The following MCF2L variants were observed in gnomAD, a reference collection of about 807,000 sequenced individuals.
MCF2L encodes MCF.2 cell line derived transforming sequence like, also known as guanine nucleotide exchange factor DBS.
Under a neutral mutation model 153.4 loss-of-function variants are expected in MCF2L, and 97 were observed. The observed-to-expected ratio is 0.63, with a 90% CI of 0.54 to 0.75. The LOEUF is 0.75. MCF2L is among the 30% of genes least tolerant of loss of function. The probability of loss-of-function intolerance (pLI) is 0.00; values close to 1 mark genes in which losing one functional copy is unlikely to be tolerated. For synonymous variants in MCF2L, 659 were observed against 632.2 expected, an observed-to-expected ratio of 1.04 and a Z score of -0.64; for missense variants, 1,347 against 1,495.2, an observed-to-expected ratio of 0.90 and a Z score of 1.64.
chr13:113,084,729 G>A (rs1191037880), intron 18 of MCF2L, 163 bp from the exon 19 acceptor site: 12 of 633,950 alleles, frequency 1.9e-5, no homozygotes, highest in Non-Finnish European at 3.1e-5. Context: ...AGCCAGTGCC[G>A]GCCCTCGGAA....
intron 1 of MCF2L, among the ~76,000 whole-genome samples, chr13:113,000,550 A>G (rs2083320843): frequency 6.6e-6 from 1 of 152,212 alleles, no homozygotes; most frequent in African/African-American, 2.4e-5. Flanking sequence ...CAGCGCAATC[A>G]TGGCTGCAAG....
In MCF2L at chr13:112,993,978, A is replaced by G. The variant is rs2083001652; in HGVS notation, c.80-20785A>G. On this transcript the variant is annotated intron_variant, in intron 1 of 29. Coordinates refer to ENST00000535094, the MANE Select transcript of MCF2L (RefSeq NM_001112732.3). This position sits in a 1 kb window ranked among gnomAD's most constrained non-coding sequence, Gnocchi z 4.6. ...CAGCAAACACACCTTCATTTTAAAG[A>G]CAGCAGAGGAGGGGTGGGGTGGGAG... Among the ~76,000 whole-genome samples the G allele has an allele frequency of 7.4e-6, 1 of 135,884 alleles. No individual in the cohort carries two copies. 89.1% of individuals were successfully genotyped at this position (135,884 alleles called of 152,430 possible).
chr13:113,088,689 G>T (rs931992433), intron 25 of MCF2L, 61 bp downstream of exon 25: 13 of 1,527,118 alleles, frequency 8.5e-6, no homozygotes, highest in Non-Finnish European at 8.9e-6. Context: ...CAGGCCATTT[G>T]CACGCCAGGG....
intron 1 of MCF2L, among the ~76,000 whole-genome samples, chr13:112,980,389 G>C (rs966882437): frequency 8.5e-5 from 13 of 152,382 alleles, no homozygotes; most frequent in Admixed American, 3.3e-4. Context: ...ACCACGGTGG[G>C]CTGTGGAACG....
chr13:112,985,608 C>A, intron 1 of MCF2L: 1 of 353,900 alleles, frequency 2.8e-6, no homozygotes, highest in Non-Finnish European at 5.8e-6. Context: ...AGTCTGTGTC[C>A]CCTGTGGAAT....
At chr13:112,938,993 C>T (rs2081549489) in intron 2 of MCF2L, among the ~76,000 whole-genome samples, 1 of 152,122 alleles carries the variant, frequency 6.6e-6, no homozygotes. Context: ...TGACAGCTGC[C>T]CCAAGTCCCT....
intron 1 of MCF2L, among the ~76,000 whole-genome samples, chr13:113,013,289 G>C (rs767562707): frequency 6.6e-6 from 1 of 152,192 alleles, no homozygotes; most frequent in South Asian, 2.1e-4. Flanking sequence ...ACGTGGTTGC[G>C]TACTGGGAAT....
In MCF2L at chr13:113,035,784, C is replaced by T. The variant is rs1318809423; in HGVS notation, c.279-9487C>T. Among the ~76,000 whole-genome samples the T allele has an allele frequency of 2.0e-5, 3 of 152,128 alleles. No homozygotes were observed. Among genetic ancestry groups the T allele is most frequent in the Non-Finnish European group, 2.9e-5 (2 of 68,016 alleles). On this transcript the variant is annotated intron_variant, in intron 3 of 29. Coordinates refer to ENST00000535094, the MANE Select transcript of MCF2L (RefSeq NM_001112732.3). This position sits in a 1 kb window ranked among gnomAD's most constrained non-coding sequence, Gnocchi z 4.4. ...TACCAGGTAGGCTCTGGGCTCAGAC[C>T]CCAGCGCCCCACTTGTTAGCTGTTT...
chr13:112,922,733 G>C (rs1473650953), intron 2 of MCF2L, among the ~76,000 whole-genome samples: 1 of 152,224 alleles, frequency 6.6e-6, no homozygotes, highest in Non-Finnish European at 1.5e-5. Context: ...TACTTGGGAG[G>C]CTGAGGCAGG....
chr13:112,897,044 C>T (rs893325750), intron 1 of MCF2L, among the ~76,000 whole-genome samples: 3 of 152,142 alleles, frequency 2.0e-5, no homozygotes, highest in South Asian at 2.1e-4. Context: ...GGCCCCAGCT[C>T]GGAGTGCGGG....
intron 1 of MCF2L, among the ~76,000 whole-genome samples, chr13:112,995,932 C>T (rs2083112175): frequency 6.6e-6 from 1 of 152,188 alleles, no homozygotes; most frequent in African/African-American, 2.4e-5. Flanking sequence ...ATGCCGGGTG[C>T]AGCCTTTACA....
intron 2 of MCF2L, among the ~76,000 whole-genome samples, chr13:112,949,495 T>C (rs1038338150): frequency 2.2e-4 from 34 of 152,218 alleles, no homozygotes; most frequent in African/African-American, 6.3e-4. Context: ...TATTGGTAAA[T>C]ATATTAAGCA....
chr13:112,936,376 T>C (rs1889172559), intron 2 of MCF2L, among the ~76,000 whole-genome samples: 1 of 152,148 alleles, frequency 6.6e-6, no homozygotes, highest in South Asian at 2.1e-4. Flanking sequence ...TACTATATTT[T>C]TATGCCACCC....
At chr13:113,079,371 G>A (rs557830541) in intron 15 of MCF2L, among the ~76,000 whole-genome samples, 4 of 152,250 alleles carry the variant, frequency 2.6e-5, no homozygotes, top group Non-Finnish European at 5.9e-5. Flanking sequence ...CCCTCCCAGA[G>A]GCCCTCGAGG....
intron 2 of MCF2L, among the ~76,000 whole-genome samples, chr13:112,914,385 C>T (rs1296308740): frequency 1.3e-5 from 2 of 152,188 alleles, no homozygotes; most frequent in Non-Finnish European, 1.5e-5. Context: ...GCACAGTGGG[C>T]AGTGGCTACA....
At chr13:113,060,012 G>C (rs544579553) in intron 4 of MCF2L, among the ~76,000 whole-genome samples, 1 of 152,368 alleles carries the variant, frequency 6.6e-6, no homozygotes, top group African/African-American at 2.4e-5. Context: ...CGGAGGCGGA[G>C]TCTGAACTCA....
At chr13:113,093,697 T>A (rs1187428580) in intron 26 of MCF2L, 2 of 152,334 alleles carry the variant, frequency 1.3e-5, no homozygotes, top group African/African-American at 2.4e-5. Flanking sequence ...CCTGTTTCCC[T>A]GGTGTGCATG....
At chr13:112,924,293 A>G (rs547457398) in intron 2 of MCF2L, among the ~76,000 whole-genome samples, 1 of 152,196 alleles carries the variant, frequency 6.6e-6, no homozygotes. Context: ...CAGACACGGG[A>G]GTTTACCTTT....
At chr13:113,065,592 C>G (rs1307190516) in intron 7 of MCF2L, among the ~76,000 whole-genome samples, 1 of 152,260 alleles carries the variant, frequency 6.6e-6, no homozygotes, top group Non-Finnish European at 1.5e-5. Flanking sequence ...CAAACGTATT[C>G]TGAGGAGCAC....
Sources: gnomAD v4.1 joint callset for allele counts (sites outside exome capture counted in the v4.1 genomes callset) on GRCh38, gnomAD v4.1.1 for gene constraint, Gnocchi (gnomAD v3.1) non-coding constraint, MANE v1.5 for transcripts, NCBI Gene and HGNC (gene_info 2026-07-23, HGNC 2026-07-21) for gene names.